PCDHGA8: variants seen among roughly 807,000 people sequenced by gnomAD.
The protein encoded by PCDHGA8 is protocadherin gamma subfamily A, 8.
In PCDHGA8, 45 loss-of-function variants were observed where a neutral mutation model predicts 59.2. That is an observed-to-expected ratio of 0.76 (90% CI 0.60 to 0.98). The LOEUF (loss-of-function observed/expected upper bound fraction) is 0.98, where lower values mean the gene tolerates loss of function less well. Ranked by LOEUF, PCDHGA8 falls within the 50% of genes least tolerant of loss-of-function variation. The probability of loss-of-function intolerance (pLI) is 0.00; values close to 1 mark genes in which losing one functional copy is unlikely to be tolerated. For synonymous variants in PCDHGA8, 531 were observed against 519.0 expected, an observed-to-expected ratio of 1.02 and a Z score of -0.32; for missense variants, 1,257 against 1,196.2, an observed-to-expected ratio of 1.05 and a Z score of -0.75.
chr5:141,464,921 G>C (rs1562002597), intron 1 of PCDHGA8, among the ~76,000 whole-genome samples: 6 of 151,106 alleles, frequency 4.0e-5, no homozygotes, highest in Admixed American at 3.3e-4. Flanking sequence ...TTATTTTTTT[G>C]TAGAGATGTG....
intron 1 of PCDHGA8, chr5:141,441,940 G>T (rs2098285664): frequency 5.9e-6 from 2 of 341,298 alleles, no homozygotes; most frequent in Non-Finnish European, 1.1e-5. Flanking sequence ...GTCCTACCAC[G>T]TGCTGCAGGC....
Position 141,406,737 on chromosome 5 carries a change from T to C in PCDHGA8, c.2424+11500T>C, listed in dbSNP as rs540886306. 1.1e-4 allele frequency among the ~76,000 whole-genome samples: 16 copies of C among 152,348 alleles called. No homozygotes were observed. The South Asian group carries it at 3.3e-3, about 32-fold the overall frequency. ...AAGAGAAGTTTCTAAGACTGGACAC[T>C]GTGAAATGACAAAACAAGGAATTAA... On this transcript the variant is annotated intron_variant, in intron 1 of 3. Coordinates refer to ENST00000398604, the MANE Select transcript of PCDHGA8 (RefSeq NM_032088.2).
At chr5:141,414,290 T>C (rs781378958) in intron 1 of PCDHGA8, 1 of 1,613,272 alleles carries the variant, frequency 6.2e-7, no homozygotes, top group Admixed American at 1.7e-5. Context: ...GTCGTAGCCC[T>C]TTTAAATGTG....
At chr5:141,403,686 G>T in intron 1 of PCDHGA8, 1 of 1,613,824 alleles carries the variant, frequency 6.2e-7, no homozygotes, top group Non-Finnish European at 8.5e-7. Context: ...TTTGCTCAAC[G>T]GATTTACCGA....
chr5:141,421,160 A>T, intron 1 of PCDHGA8: 1 of 1,250,104 alleles, frequency 8.0e-7, no homozygotes, highest in Non-Finnish European at 1.1e-6. Flanking sequence ...CTAGGACTTC[A>T]TAGATACATA....
rs1442570663 is a variant in PCDHGA8, at chr5:141,438,613, TATATATATATATATATATATATACACAC to T, written c.2424+43378_2424+43405del. On this transcript the variant is annotated intron_variant, in intron 1 of 3. Transcript: ENST00000398604. Reference sequence around the variant, plus strand: ...ATACATATATATATATATATATATATATATATATATATATATATATATACACACACACACACACATATATGTATATATA... The same window carrying T: ...ATACATATATATATATATATATATATACACACACACATATATGTATATATA... Among the ~76,000 whole-genome samples, 243 of 36,492 alleles carry T rather than the reference TATATATATATATATATATATATACACAC, an allele frequency of 6.7e-3. 7 individuals are homozygous for T. The highest frequency in any genetic ancestry group is 0.033 in the East Asian group (37 of 1,124). The allele number at this position is 36,492 out of a possible 152,430, so 23.9% of individuals were successfully genotyped here.
chr5:141,438,806 C>T (rs866521707), intron 1 of PCDHGA8, among the ~76,000 whole-genome samples: 20 of 149,390 alleles, frequency 1.3e-4, no homozygotes, highest in Admixed American at 6.7e-4. Flanking sequence ...GGATTACAGG[C>T]GCCTGTCACC....
At chr5:141,500,930 G>A (rs1300719832) in intron 2 of PCDHGA8, among the ~76,000 whole-genome samples, 4 of 151,824 alleles carry the variant, frequency 2.6e-5, no homozygotes, top group Admixed American at 6.6e-5. Context: ...GTGCAGTGGC[G>A]CCATCTCGGC....
intron 1 of PCDHGA8, chr5:141,423,251 A>T: frequency 6.2e-7 from 1 of 1,613,844 alleles, no homozygotes; most frequent in East Asian, 2.2e-5. Context: ...GTCCTGGCGG[A>T]CCTCGGCAGC....
chr5:141,485,866 C>T lies in PCDHGA8; in HGVS notation c.2425-8941C>T. The T allele has an allele frequency of 2.5e-6, 4 of 1,614,144 alleles. No individual in the cohort carries two copies. Among genetic ancestry groups the T allele is most frequent in the Non-Finnish European group, 3.4e-6 (4 of 1,180,014 alleles). On this transcript the variant is annotated intron_variant, in intron 1 of 3. Coordinates refer to ENST00000398604, the MANE Select transcript of PCDHGA8 (RefSeq NM_032088.2). The surrounding 1 kb of genome is among the most constrained non-coding windows in gnomAD (Gnocchi z 5.7). ...CTGGCACCGCAGAGCTCCGGGTATCCGTGCTGGACGTAAACGACAACGCCC... is the reference window on the plus strand; with the variant it reads ...CTGGCACCGCAGAGCTCCGGGTATCTGTGCTGGACGTAAACGACAACGCCC...
At chr5:141,498,964 G>A (rs1342764380) in intron 2 of PCDHGA8, among the ~76,000 whole-genome samples, 2 of 127,572 alleles carry the variant, frequency 1.6e-5, no homozygotes, top group Admixed American at 8.7e-5. Context: ...AGAGAGGGAG[G>A]GAGGGAGGGA....
At chr5:141,480,205 A>G (rs2099514310) in intron 1 of PCDHGA8, among the ~76,000 whole-genome samples, 1 of 151,108 alleles carries the variant, frequency 6.6e-6, no homozygotes, top group Admixed American at 6.6e-5. Flanking sequence ...GCAGTTCAAG[A>G]CCAGCCTGAG....
At chr5:141,401,900 AATT>A (rs1215744256) in intron 1 of PCDHGA8, among the ~76,000 whole-genome samples, 1 of 152,196 alleles carries the variant, frequency 6.6e-6, no homozygotes, top group Non-Finnish European at 1.5e-5. Flanking sequence ...CTTTTTCCCA[AATT>A]ATTATATAAG....
intron 2 of PCDHGA8, among the ~76,000 whole-genome samples, chr5:141,504,579 G>T (rs994771989): frequency 2.0e-5 from 3 of 149,174 alleles, no homozygotes; most frequent in Non-Finnish European, 4.4e-5. Context: ...AACACCATCT[G>T]CCCAGGATTC....
Position 141,510,977 on chromosome 5 carries a change from G to T in PCDHGA8, c.2603G>T (p.Gly868Val). 1.2e-6 allele frequency: 2 copies of T among 1,614,170 alleles called. No individual in the cohort carries two copies. Among genetic ancestry groups the T allele is most frequent in the Non-Finnish European group, 1.7e-6 (2 of 1,180,020 alleles). The change falls in exon 4 of 4, where the codon GGG becomes GTG. Residue 868 changes from glycine to valine, a missense_variant. Physicochemically the swap from Gly to Val is moderately radical, Grantham distance 109. Transcript: ENST00000398604. ...GCTGATGGGAGCTCCACCCTGGGAG[G>T]GGGTGCCGGCACCATGGGATTGAGC... ...EAADGSSTLG[G>V]GAGTMGLSAR...
intron 1 of PCDHGA8, chr5:141,398,925 C>G (rs766149685): frequency 1.1e-5 from 17 of 1,613,966 alleles, no homozygotes; most frequent in Non-Finnish European, 1.4e-5. Flanking sequence ...AAGTGTCAGC[C>G]ACTGACCAAG....
intron 1 of PCDHGA8, among the ~76,000 whole-genome samples, chr5:141,402,192 CTT>C (rs1205831935): frequency 6.6e-6 from 1 of 152,006 alleles, no homozygotes; most frequent in Non-Finnish European, 1.5e-5. Flanking sequence ...ATTAATATTA[CTT>C]TTATAATACA....
At chr5:141,410,818 T>C (rs567397835) in intron 1 of PCDHGA8, 1 of 556,016 alleles carries the variant, frequency 1.8e-6, no homozygotes, top group African/African-American at 2.1e-5. Context: ...TGTAAAATAA[T>C]GTCACCAGAC....
chr5:141,399,713 A>T, intron 1 of PCDHGA8: 1 of 1,613,326 alleles, frequency 6.2e-7, no homozygotes, highest in Non-Finnish European at 8.5e-7. Context: ...CTCACACTAC[A>T]GGCCCGCGAC....
Sources: gnomAD v4.1 joint callset for allele counts (sites outside exome capture counted in the v4.1 genomes callset) on GRCh38, gnomAD v4.1.1 for gene constraint, Gnocchi (gnomAD v3.1) non-coding constraint, MANE v1.5 for transcripts, NCBI Gene and HGNC (gene_info 2026-07-23, HGNC 2026-07-21) for gene names.